NFIB: variants seen among roughly 807,000 people sequenced by gnomAD.
NFIB encodes the protein nuclear factor I B, also known as nuclear factor 1 B-type.
Under a neutral mutation model 61.5 loss-of-function variants are expected in NFIB, and 11 were observed. That is an observed-to-expected ratio of 0.18 (90% CI 0.11 to 0.30). The LOEUF is 0.30. NFIB is among the 10% of genes least tolerant of loss of function. The probability of loss-of-function intolerance (pLI) is 1.00; values close to 1 mark genes in which losing one functional copy is unlikely to be tolerated. For missense variants in NFIB, 471 were observed against 608.9 expected (o/e 0.77, Z 2.38); for synonymous variants, 260 against 216.5 (o/e 1.20, Z -1.76).
At chr9:14,464,043 GA>G in the NFIB span, among the ~76,000 whole-genome samples, 1 of 152,136 alleles carries the variant, frequency 6.6e-6, no homozygotes, top group East Asian at 1.9e-4. Flanking sequence ...TGGAAATTCT[GA>G]AATCAAGAAA....
At chr9:14,266,510 T>A (rs971644382) in intron 2 of NFIB, among the ~76,000 whole-genome samples, 12 of 151,980 alleles carry the variant, frequency 7.9e-5, no homozygotes, top group Non-Finnish European at 1.8e-4. Context: ...CAGGAGGATT[T>A]CACGAGCCAG....
At chr9:14,167,177 T>C (rs2044940112) in intron 3 of NFIB, among the ~76,000 whole-genome samples, 1 of 150,588 alleles carries the variant, frequency 6.6e-6, no homozygotes, top group Non-Finnish European at 1.5e-5. Flanking sequence ...AAGATGAGGG[T>C]AGACGAAACC....
chr9:14,245,369 G>C (rs960806443), intron 2 of NFIB, among the ~76,000 whole-genome samples: 1 of 151,816 alleles, frequency 6.6e-6, no homozygotes, highest in Non-Finnish European at 1.5e-5. Flanking sequence ...TTTCACAGAA[G>C]TCTTAGCTTG....
At chr9:14,407,965 G>T in the NFIB span, among the ~76,000 whole-genome samples, 2 of 152,130 alleles carry the variant, frequency 1.3e-5, no homozygotes, top group East Asian at 3.9e-4. Context: ...GGGGTTACAG[G>T]CATGAGCCAC....
At chr9:14,499,455 G>A in the NFIB span, among the ~76,000 whole-genome samples, 2 of 152,102 alleles carry the variant, frequency 1.3e-5, no homozygotes, top group Non-Finnish European at 2.9e-5. Flanking sequence ...TTTAGCTTGG[G>A]CCCAGTAGGT....
intron 1 of NFIB, among the ~76,000 whole-genome samples, chr9:14,395,000 C>T (rs1055222272): frequency 2.6e-5 from 4 of 152,186 alleles, no homozygotes; most frequent in East Asian, 1.9e-4. Context: ...TCCTCTGGTC[C>T]ACTCAATCTC....
At chr9:14,380,682 C>T (rs1217026893) in intron 1 of NFIB, among the ~76,000 whole-genome samples, 1 of 152,108 alleles carries the variant, frequency 6.6e-6, no homozygotes, top group Non-Finnish European at 1.5e-5. Context: ...TATGCCAGCA[C>T]ATTAAACTAT....
intron 2 of NFIB, among the ~76,000 whole-genome samples, chr9:14,231,135 A>AAAAATATATATATATAT (rs55959148): frequency 5.1e-4 from 18 of 35,344 alleles, no homozygotes; most frequent in Non-Finnish European, 8.7e-4. Context: ...AAAAAAAAAA[A>AAAAATATATATATATAT]ATATATATAT....
chr9:14,228,765 T>C (rs890172474), intron 2 of NFIB, among the ~76,000 whole-genome samples: 1 of 152,236 alleles, frequency 6.6e-6, no homozygotes, highest in Non-Finnish European at 1.5e-5. Context: ...GAGATGTCTC[T>C]TTGTAACTGT....
At chr9:14,158,747 G>A (rs965522285) in intron 3 of NFIB, among the ~76,000 whole-genome samples, 9 of 152,176 alleles carry the variant, frequency 5.9e-5, no homozygotes, top group Admixed American at 2.0e-4. Flanking sequence ...GCTGAAGAGT[G>A]TATTTAGGCT....
chr9:14,093,473 G>C (rs1425287131), intron 10 of NFIB: 1 of 152,036 alleles, frequency 6.6e-6, no homozygotes, highest in Admixed American at 6.6e-5. Context: ...AACTGTAACA[G>C]TAGCCACATT....
At chr9:14,450,639 A>G in the NFIB span, among the ~76,000 whole-genome samples, 1 of 152,162 alleles carries the variant, frequency 6.6e-6, no homozygotes, top group Non-Finnish European at 1.5e-5. Context: ...ATCAGATGTT[A>G]CAGCACCCCT....
intron 2 of NFIB, chr9:14,204,339 T>C (rs2049387147): frequency 1.3e-6 from 1 of 771,586 alleles, no homozygotes; most frequent in Admixed American, 1.9e-5. Flanking sequence ...GTCAACCCCC[T>C]GTTTGAGAAA....
intron 2 of NFIB, among the ~76,000 whole-genome samples, chr9:14,293,610 T>C (rs114019716): frequency 2.7e-3 from 408 of 152,330 alleles, no homozygotes; most frequent in African/African-American, 9.3e-3. Context: ...GAGTCTATCA[T>C]TAACTTAGAC....
chr9:14,317,912 C>T (rs1305556582), upstream of NFIB, among the ~76,000 whole-genome samples: 1 of 152,182 alleles, frequency 6.6e-6, no homozygotes, highest in Non-Finnish European at 1.5e-5. Context: ...TTTTTTCTAG[C>T]ACGTCTGTGT....
At chr9:14,166,256 A>C (rs2131315844) in intron 3 of NFIB, among the ~76,000 whole-genome samples, 1 of 152,282 alleles carries the variant, frequency 6.6e-6, no homozygotes, top group African/African-American at 2.4e-5. Flanking sequence ...TTGAGTCATC[A>C]CATTGCCAGT....
chr9:14,519,309 C>G, the NFIB span, among the ~76,000 whole-genome samples: 4 of 152,108 alleles, frequency 2.6e-5, no homozygotes, highest in Admixed American at 6.5e-5. Flanking sequence ...AAGATTGGAT[C>G]TCTGCTTTCC....
chr9:14,295,583 A>T (rs529286222), intron 2 of NFIB, among the ~76,000 whole-genome samples: 2 of 152,238 alleles, frequency 1.3e-5, no homozygotes, highest in South Asian at 4.1e-4. Flanking sequence ...GTGAGCCGAG[A>T]TTGCGCCACT....
chr9:14,469,744 C>T, the NFIB span, among the ~76,000 whole-genome samples: 1 of 152,154 alleles, frequency 6.6e-6, no homozygotes, highest in Non-Finnish European at 1.5e-5. Flanking sequence ...CTTATAAAGT[C>T]CTCTCCTATA....
Sources: allele counts gnomAD v4.1 joint callset (sites outside exome capture counted in the v4.1 genomes callset), GRCh38; gene constraint gnomAD v4.1.1; transcripts MANE v1.5; gene names NCBI Gene and HGNC (gene_info 2026-07-23, HGNC 2026-07-21).